Variants in AAGAB observed in about 807,000 individuals in gnomAD.
AAGAB encodes the protein alpha and gamma adaptin binding protein, also known as alpha- and gamma-adaptin-binding protein p34.
A neutral mutation model predicts 44.1 loss-of-function variants in AAGAB; 38 were observed. The ratio of observed to expected loss-of-function variants is 0.86; its 90% confidence interval spans 0.67 to 1.13. The LOEUF is 1.13. Ranked by LOEUF, AAGAB falls within the 50% of genes most tolerant of loss-of-function variation. The pLI, the probability that AAGAB is intolerant of heterozygous loss-of-function variation, is 0.00. For missense variants in AAGAB, 450 were observed against 373.8 expected (o/e 1.20, Z -1.68); for synonymous variants, 131 against 131.8 (o/e 0.99, Z 0.04).
intron 1 of AAGAB, among the ~76,000 whole-genome samples, chr15:67,249,175 C>T (rs183673548): frequency 4.7e-4 from 71 of 152,186 alleles, no homozygotes; most frequent in African/African-American, 1.7e-3. Flanking sequence ...GCTCAGATTA[C>T]AGGTGTGCAC....
chr15:67,215,660 A>G (rs1320182955), intron 5 of AAGAB, among the ~76,000 whole-genome samples: 1 of 152,242 alleles, frequency 6.6e-6, no homozygotes, highest in Non-Finnish European at 1.5e-5. Flanking sequence ...TGCATAGAGA[A>G]GTTGTACCTA....
intron 1 of AAGAB, among the ~76,000 whole-genome samples, chr15:67,242,512 A>G (rs987257214): frequency 4.0e-5 from 6 of 151,770 alleles, no homozygotes; most frequent in Non-Finnish European, 5.9e-5. Flanking sequence ...TTTCTTACCC[A>G]CAACTTCATG....
chr15:67,244,527 G>T (rs1415008954), intron 1 of AAGAB, among the ~76,000 whole-genome samples: 1 of 152,060 alleles, frequency 6.6e-6, no homozygotes, highest in Non-Finnish European at 1.5e-5. Context: ...AAAGAGCCAG[G>T]CACGGTGGCT....
chr15:67,202,600 A>G lies in AAGAB; in HGVS notation c.*221T>C. 2.0e-6 allele frequency: 1 copy of G among 506,474 alleles called. No homozygotes were observed. The highest frequency in any genetic ancestry group is 3.5e-6 in the Non-Finnish European group (1 of 285,374). 31.4% of individuals were successfully genotyped at this position (506,474 alleles called of 1,614,324 possible). A position where few individuals can be genotyped will look rare whatever the true frequency, so the allele number is the denominator to read the frequency against. On this transcript the variant is annotated 3_prime_UTR_variant, in exon 10 of 10. Transcript: ENST00000261880. Reference sequence around the variant, plus strand: ...AAAAAAGTATATTTAAGAAATCCTCACTCATTACTATCACTGTATTCCTCA... The same window carrying G: ...AAAAAAGTATATTTAAGAAATCCTCGCTCATTACTATCACTGTATTCCTCA...
intron 5 of AAGAB, among the ~76,000 whole-genome samples, chr15:67,229,243 C>A (rs987231452): frequency 7.9e-5 from 12 of 151,980 alleles, no homozygotes; most frequent in Non-Finnish European, 1.5e-4. Flanking sequence ...ACCAGCCTGG[C>A]CAACATGGTG....
chr15:67,254,832 C>T (rs971089843), upstream of AAGAB: 2 of 1,542,872 alleles, frequency 1.3e-6, no homozygotes, highest in Non-Finnish European at 1.8e-6. Context: ...ACGAGCGGCT[C>T]CGGCTGAAGG....
intron 5 of AAGAB, among the ~76,000 whole-genome samples, chr15:67,219,209 A>G (rs1306867451): frequency 6.6e-6 from 1 of 152,170 alleles, no homozygotes; most frequent in Non-Finnish European, 1.5e-5. Flanking sequence ...CCTAATTTTG[A>G]CACACCATCC....
chr15:67,218,528 C>T (rs1964001436), intron 5 of AAGAB, among the ~76,000 whole-genome samples: 1 of 152,234 alleles, frequency 6.6e-6, no homozygotes, highest in Non-Finnish European at 1.5e-5. Context: ...CCAACTCTTA[C>T]TTACCCAGTG....
At chr15:67,217,386 T>C (rs1048137179) in intron 5 of AAGAB, among the ~76,000 whole-genome samples, 10 of 152,206 alleles carry the variant, frequency 6.6e-5, no homozygotes, top group Non-Finnish European at 1.2e-4. Context: ...TCTAACAAAT[T>C]TGATATTGTT....
Position 67,242,268 on chromosome 15 carries a change from A to G in AAGAB, c.74-5448T>C, listed in dbSNP as rs1180725176. Among the ~76,000 whole-genome samples, 2 of 129,460 alleles carry G rather than the reference A, an allele frequency of 1.5e-5. 1 individual carries two copies. Among genetic ancestry groups the G allele is most frequent in the African/African-American group, 5.3e-5 (2 of 37,804 alleles). The allele number at this position is 129,460 out of a possible 152,430, so 84.9% of individuals were successfully genotyped here. On this transcript the variant is annotated intron_variant, in intron 1 of 9. Transcript: ENST00000261880. ...GAAACCCCGTCTCTACTAAAAATACAAAAAATTAGCCGGGCGCGGTGGCGG... is the reference window on the plus strand; with the variant it reads ...GAAACCCCGTCTCTACTAAAAATACGAAAAATTAGCCGGGCGCGGTGGCGG...
In AAGAB at chr15:67,227,368, A is replaced by C. The variant is rs1964229030; in HGVS notation, c.535+4446T>G. ...TGTCAACCAACTTTTTAATTAAAAA[A>C]ACTTTTTGGTTTAAAAATTTTTATT... On this transcript the variant is annotated intron_variant, in intron 5 of 9. Transcript: ENST00000261880. Among the ~76,000 whole-genome samples the C allele has an allele frequency of 5.3e-5, 8 of 152,294 alleles. No homozygotes were observed. In the South Asian group the frequency reaches 1.7e-3, roughly 32 times the overall value.
chr15:67,203,036 T>A (rs1361454017), intron 9 of AAGAB, 138 bp from the exon 10 acceptor site: 1 of 722,682 alleles, frequency 1.4e-6, no homozygotes, highest in Non-Finnish European at 2.5e-6. Flanking sequence ...TCAGAACCCT[T>A]GAATACCATT....
intron 1 of AAGAB, among the ~76,000 whole-genome samples, chr15:67,240,126 G>A (rs145391138): frequency 1.2e-3 from 177 of 152,264 alleles, no homozygotes; most frequent in African/African-American, 3.9e-3. Context: ...TGCCCTTTTA[G>A]GAACACCAAA....
At chr15:67,239,896 A>C (rs1334620978) in intron 1 of AAGAB, among the ~76,000 whole-genome samples, 1 of 152,208 alleles carries the variant, frequency 6.6e-6, no homozygotes. Flanking sequence ...GTTTCTGGAG[A>C]GCAGCTAATA....
chr15:67,247,308 G>C (rs1473762627), intron 1 of AAGAB, among the ~76,000 whole-genome samples: 2 of 152,164 alleles, frequency 1.3e-5, no homozygotes, highest in Non-Finnish European at 2.9e-5. Flanking sequence ...TACAAAAAAT[G>C]ATTTTATATC....
chr15:67,204,191 T>C, intron 7 of AAGAB, 43 bp from the exon 8 acceptor site: 1 of 1,348,964 alleles, frequency 7.4e-7, no homozygotes, highest in South Asian at 1.2e-5. Context: ...GTTATTTGCA[T>C]ATGTGCTACA....
At chr15:67,216,442 GAAAAAAAAAAA>G (rs60381455) in intron 5 of AAGAB, among the ~76,000 whole-genome samples, 2 of 52,160 alleles carry the variant, frequency 3.8e-5, no homozygotes, top group Non-Finnish European at 6.3e-5. Context: ...ACTCACTCTT[GAAAAAAAAAAA>G]AAAAAAAAAA....
intron 1 of AAGAB, among the ~76,000 whole-genome samples, chr15:67,239,734 A>C (rs976431033): frequency 1.3e-5 from 2 of 152,240 alleles, no homozygotes; most frequent in African/African-American, 4.8e-5. Context: ...TATTACCAAT[A>C]TCATAATGTA....
rs576966683 is a variant in AAGAB, at chr15:67,241,268, C to T, written c.74-4448G>A. 2.3e-4 allele frequency among the ~76,000 whole-genome samples: 35 copies of T among 152,292 alleles called. 1 individual carries two copies. Among genetic ancestry groups the T allele is most frequent in the Admixed American group, 8.5e-4 (13 of 15,296 alleles). ...AGTGCACTTAACCAATCATGACATT[C>T]TTTGTGAAGCAAAGTTGTCCAGTGG... On this transcript the variant is annotated intron_variant, in intron 1 of 9. Transcript: ENST00000261880.
Sources: gnomAD v4.1 joint callset for allele counts (sites outside exome capture counted in the v4.1 genomes callset) on GRCh38, gnomAD v4.1.1 for gene constraint, MANE v1.5 for transcripts, NCBI Gene and HGNC (gene_info 2026-07-23, HGNC 2026-07-21) for gene names.